Variants in THAP3 observed in about 807,000 individuals in gnomAD.
The protein encoded by THAP3 is THAP domain-containing protein 3.
In THAP3, 12 loss-of-function variants were observed where a neutral mutation model predicts 17.7. The observed-to-expected ratio is 0.68, with a 90% CI of 0.43 to 1.10. THAP3 has a LOEUF of 1.10. Among genes scored for constraint, THAP3 ranks in the 50% least tolerant of loss-of-function variants. The pLI, the probability that THAP3 is intolerant of heterozygous loss-of-function variation, is 0.00. For synonymous variants in THAP3, 133 were observed against 126.9 expected (o/e 1.05, Z -0.32); for missense variants, 289 against 318.0 (o/e 0.91, Z 0.69).
chr1:6,625,241 G>T lies in THAP3; in HGVS notation c.23G>T (p.Arg8Leu). 1 of 1,545,508 alleles carries T rather than the reference G, an allele frequency of 6.5e-7. No individual in the cohort carries two copies. Reference protein sequence around the residue: MPKSCAARQCCNRYSSRR... With the variant: MPKSCAALQCCNRYSSRR... Reference sequence around the variant, plus strand: ...GAGATGCCGAAGTCGTGCGCGGCCCGGCAGTGCTGCAACCGCTACAGCAGC... The same window carrying T: ...GAGATGCCGAAGTCGTGCGCGGCCCTGCAGTGCTGCAACCGCTACAGCAGC... Residue 8 changes from arginine (R) to leucine (L), a missense_variant, in exon 2 of 6, where the codon CGG (arginine) becomes CTG (leucine). Coordinates refer to ENST00000054650, the MANE Select transcript of THAP3 (RefSeq NM_001195753.2).
chr1:6,635,411 C>A, downstream of THAP3: 1 of 453,660 alleles, frequency 2.2e-6, no homozygotes, highest in Non-Finnish European at 4.0e-6. Context: ...GGCCAGAGCC[C>A]TTCCCTCCAG....
chr1:6,634,872 T>C (rs768465216), downstream of THAP3: 381 of 1,212,488 alleles, frequency 3.1e-4, no homozygotes, highest in Non-Finnish European at 3.8e-4. Context: ...CCTGTCCTCT[T>C]GAGCTGCCCT....
downstream of THAP3, chr1:6,634,202 C>CT (rs1296722125): frequency 1.9e-6 from 2 of 1,049,674 alleles, no homozygotes; most frequent in African/African-American, 1.6e-5. Flanking sequence ...TGGTGAGTGC[C>CT]TTCTGTACAG....
At chr1:6,635,550 G>A, downstream of THAP3, 3 of 1,072,200 alleles carry the variant, frequency 2.8e-6, no homozygotes, top group South Asian at 1.5e-5. Flanking sequence ...ATTGATAATG[G>A]TACCACCTTC....
downstream of THAP3, chr1:6,633,906 G>C (rs1422462838): frequency 1.1e-6 from 1 of 926,200 alleles, no homozygotes; most frequent in African/African-American, 1.7e-5. Flanking sequence ...GACAGAGCGA[G>C]ACTCAGTCTG....
chr1:6,625,083 G>A lies in THAP3; in HGVS notation c.-69-67G>A, dbSNP rs1032763645. 4 of 999,220 alleles carry A rather than the reference G, an allele frequency of 4.0e-6. No individual in the cohort carries two copies. In the African/African-American group the frequency reaches 6.8e-5, roughly 17 times the overall value. The allele number at this position is 999,220 out of a possible 1,614,324, so 61.9% of individuals were successfully genotyped here. On this transcript the variant is annotated intron_variant, in intron 1 of 5. Transcript: ENST00000054650. ...GAGACGCGGGTGGCTGGGATGGCAGGATGAGCGCGCCCTGGAGGCGAGCCA... is the reference window on the plus strand; with the variant it reads ...GAGACGCGGGTGGCTGGGATGGCAGAATGAGCGCGCCCTGGAGGCGAGCCA...
Position 6,624,896 on chromosome 1 carries a change from G to T in THAP3, c.-128G>T. The T allele has an allele frequency of 2.6e-6, 1 of 385,636 alleles. No homozygotes were observed. The highest frequency in any genetic ancestry group is 4.7e-6 in the Non-Finnish European group (1 of 211,198). 23.9% of individuals were successfully genotyped at this position (385,636 alleles called of 1,614,324 possible). A position where few individuals can be genotyped will look rare whatever the true frequency, so the allele number is the denominator to read the frequency against. ...GTTGTCCAAGCCTGTGAGTGGCTATGCGTCCTGGTTGGGTGCTCAAAGCAA... is the reference window on the plus strand; with the variant it reads ...GTTGTCCAAGCCTGTGAGTGGCTATTCGTCCTGGTTGGGTGCTCAAAGCAA... On this transcript the variant is annotated 5_prime_UTR_variant, in exon 1 of 6. The change abolishes an upstream ATG in the 5' untranslated region. Coordinates refer to ENST00000054650, the MANE Select transcript of THAP3 (RefSeq NM_001195753.2).
At chr1:6,628,432 T>C in intron 2 of THAP3, 67 bp from the exon 3 acceptor site, 1 of 1,389,026 alleles carries the variant, frequency 7.2e-7, no homozygotes, top group Non-Finnish European at 9.7e-7. Flanking sequence ...GATGTGAAAA[T>C]TCCGAATGAC....
In THAP3 at chr1:6,632,915, T is replaced by C. The variant is rs763507462; in HGVS notation, c.558T>C (p.Asp186=). 178 of 1,612,806 alleles carry C rather than the reference T, an allele frequency of 1.1e-4. No homozygotes were observed. Among genetic ancestry groups the C allele is most frequent in the Admixed American group, 4.2e-4 (25 of 60,012 alleles). Residue 186 remains aspartate, a synonymous_variant, in exon 6 of 6, where the codon GAT becomes GAC. Transcript: ENST00000054650. ...ACAGCTATGCCCTTTTGGACTTAGA[T>C]TCCCTGAAGAAAAAACTCTTCCTCA... is the stretch of plus-strand genomic sequence containing the variant. The part of the protein sequence containing the change: ...SDHSYALLDL[D]SLKKKLFLTL...
At chr1:6,627,484 C>T (rs1387691845) in intron 2 of THAP3, among the ~76,000 whole-genome samples, 1 of 152,218 alleles carries the variant, frequency 6.6e-6, no homozygotes, top group African/African-American at 2.4e-5. Context: ...TGTGCCTCAG[C>T]CTCCCAAGTA....
chr1:6,632,486 C>T lies in THAP3; in HGVS notation c.429C>T (p.His143=), dbSNP rs751647077. The T allele has an allele frequency of 4.3e-6, 7 of 1,613,998 alleles. No individual in the cohort carries two copies. The highest frequency in any genetic ancestry group is 1.3e-5 in the African/African-American group (1 of 74,950). ...ELQLPPNAEG[H]VKQVSPRRPQ... is the part of the protein sequence containing the mutation. Reference sequence around the variant, plus strand: ...AGTTGCCCCCAAATGCCGAAGGCCACGTAAAACAGGTAAGACTGAGTGCAA... The same window carrying T: ...AGTTGCCCCCAAATGCCGAAGGCCATGTAAAACAGGTAAGACTGAGTGCAA... The change falls in exon 5 of 6, where the codon CAC becomes CAT. Residue 143 remains histidine, a synonymous_variant. Coordinates refer to ENST00000054650, the MANE Select transcript of THAP3 (RefSeq NM_001195753.2).
rs1470340595 is a variant in THAP3 at position 6,633,217 on chromosome 1, T to G, written c.*140T>G. On this transcript the variant is annotated 3_prime_UTR_variant, in exon 6 of 6. Coordinates refer to ENST00000054650, the MANE Select transcript of THAP3 (RefSeq NM_001195753.2). ...CCTGCTTGGCCGGGGATCGAGACAG[T>G]AGCCAAGCTCCCCGGCGAGAGCCCC... The G allele has an allele frequency of 6.9e-7, 1 of 1,449,706 alleles. No individual in the cohort carries two copies. Among genetic ancestry groups the G allele is most frequent in the African/African-American group, 1.4e-5 (1 of 69,838 alleles). The allele number at this position is 1,449,706 out of a possible 1,614,324, so 89.8% of individuals were successfully genotyped here.
At chr1:6,627,589 T>C (rs1339566723) in intron 2 of THAP3, among the ~76,000 whole-genome samples, 3 of 152,196 alleles carry the variant, frequency 2.0e-5, no homozygotes, top group African/African-American at 7.2e-5. Context: ...GGTCTTGAAC[T>C]CCTGAGTTGA....
chr1:6,632,021 TG>T (rs1344770809), intron 4 of THAP3, among the ~76,000 whole-genome samples: 2 of 135,242 alleles, frequency 1.5e-5, no homozygotes, highest in Non-Finnish European at 3.1e-5. Context: ...CACTCCAGCC[TG>T]GGTGACAGAG....
rs1390009464 is a variant in THAP3, at chr1:6,625,290, C to T, written c.72C>T (p.His24=). ...YSSRRKQLTF[H]RFPFSRPELL... is the part of the protein sequence containing the mutation. ...GCCGCAGGAAGCAGCTCACCTTCCA[C>T]CGGTAAGAGGCGGGGACCCGGGGGC... is the stretch of plus-strand genomic sequence containing the variant. The change falls in exon 2 of 6, where the codon CAC becomes CAT. Residue 24 remains histidine, a splice_region_variant and synonymous_variant. Coordinates refer to ENST00000054650, the MANE Select transcript of THAP3 (RefSeq NM_001195753.2). 6.5e-7 allele frequency: 1 copy of T among 1,540,016 alleles called. No homozygotes were observed. The highest frequency in any genetic ancestry group is 8.7e-7 in the Non-Finnish European group (1 of 1,145,140).
downstream of THAP3, chr1:6,634,267 C>T (rs14747): frequency 0.017 from 14,861 of 861,622 alleles, 184 homozygotes; most frequent in Non-Finnish European, 0.022. Context: ...GCGGCAGAGG[C>T]GCACGGGAAG....
chr1:6,634,108 TG>T (rs750468281), downstream of THAP3: 1 of 1,606,026 alleles, frequency 6.2e-7, no homozygotes, highest in Non-Finnish European at 8.5e-7. Flanking sequence ...AGGAGGCCTC[TG>T]GGGAAGGGGT....
chr1:6,633,599 G>A, downstream of THAP3: 1 of 1,074,784 alleles, frequency 9.3e-7, no homozygotes, highest in African/African-American at 1.7e-5. Flanking sequence ...CTAGTGCCGT[G>A]ATTCCTTCTA....
At chr1:6,627,862 G>T (rs1641505213) in intron 2 of THAP3, 1 of 152,374 alleles carries the variant, frequency 6.6e-6, no homozygotes, top group South Asian at 2.1e-4. Context: ...GTGGACCCAG[G>T]TTCCATCTCA....
Sources: allele counts gnomAD v4.1 joint callset (sites outside exome capture counted in the v4.1 genomes callset), GRCh38; gene constraint gnomAD v4.1.1; transcripts MANE v1.5; gene names NCBI Gene and HGNC (gene_info 2026-07-23, HGNC 2026-07-21).